The following SLC26A7 variants were observed in gnomAD, a reference collection of about 807,000 sequenced individuals.
SLC26A7 encodes anion exchange transporter.
In SLC26A7, 59 loss-of-function variants were observed where a neutral mutation model predicts 82.5. The observed-to-expected ratio is 0.72, with a 90% CI of 0.58 to 0.89. SLC26A7 has a LOEUF of 0.89. SLC26A7 is among the 40% of genes least tolerant of loss of function. The pLI, the probability that SLC26A7 is intolerant of heterozygous loss-of-function variation, is 0.00. For missense variants in SLC26A7, 820 were observed against 793.0 expected (o/e 1.03, Z -0.41); for synonymous variants, 271 against 274.3 (o/e 0.99, Z 0.12).
chr8:91,218,750 A>G (rs1810104648), intron 1 of SLC26A7: 1 of 549,140 alleles, frequency 1.8e-6, no homozygotes, highest in African/African-American at 1.9e-5. Context: ...ATGTGTGAGA[A>G]AAGAGCAAAT....
chr8:91,265,866 A>G (rs915250904), intron 2 of SLC26A7, among the ~76,000 whole-genome samples: 4 of 151,824 alleles, frequency 2.6e-5, no homozygotes, highest in Non-Finnish European at 5.9e-5. Context: ...ATACTTTGCA[A>G]ATTCTCCCAT....
intron 1 of SLC26A7, among the ~76,000 whole-genome samples, chr8:91,211,359 A>T (rs1809913764): frequency 6.6e-6 from 1 of 151,802 alleles, no homozygotes; most frequent in African/African-American, 2.4e-5. Context: ...AATAAATTTA[A>T]GGATGCTTAA....
chr8:91,234,827 A>ACCTCCTTC (rs1386380375), intron 2 of SLC26A7, among the ~76,000 whole-genome samples: 21 of 92,494 alleles, frequency 2.3e-4, no homozygotes, highest in Admixed American at 7.9e-4. Context: ...CTACCTACCT[A>ACCTCCTTC]CTTCCTTCCT....
chr8:91,394,479 C>T, intron 18 of SLC26A7: 2 of 1,358,414 alleles, frequency 1.5e-6, no homozygotes, highest in Non-Finnish European at 1.9e-6. Context: ...ATCTAGTGCT[C>T]ACATGATCTG....
At chr8:91,213,171 A>G (rs899161012) in intron 1 of SLC26A7, among the ~76,000 whole-genome samples, 1 of 152,272 alleles carries the variant, frequency 6.6e-6, no homozygotes, top group East Asian at 1.9e-4. Flanking sequence ...GAGCAGGACC[A>G]CTGTGTGGGG....
At chr8:91,267,327 G>T (rs923722691) in intron 2 of SLC26A7, among the ~76,000 whole-genome samples, 1 of 151,892 alleles carries the variant, frequency 6.6e-6, no homozygotes, top group Non-Finnish European at 1.5e-5. Flanking sequence ...ACTTTGAGAA[G>T]AATTGACATT....
At chr8:91,257,190 G>T (rs1038213993) in intron 2 of SLC26A7, among the ~76,000 whole-genome samples, 1 of 152,244 alleles carries the variant, frequency 6.6e-6, no homozygotes, top group South Asian at 2.1e-4. Flanking sequence ...ACATAGAGTA[G>T]CTTAGGAGAG....
At chr8:91,345,779 G>A (rs997342122) in intron 9 of SLC26A7, among the ~76,000 whole-genome samples, 2 of 152,130 alleles carry the variant, frequency 1.3e-5, no homozygotes, top group African/African-American at 4.8e-5. Flanking sequence ...CATAACTGGG[G>A]TTTCCTTAGG....
At chr8:91,388,133 A>AT (rs1814847801) in intron 15 of SLC26A7, among the ~76,000 whole-genome samples, 2 of 151,894 alleles carry the variant, frequency 1.3e-5, no homozygotes, top group Admixed American at 6.6e-5. Context: ...TGTAAGCAGG[A>AT]TTTTTGTTTT....
chr8:91,296,066 A>G (rs1244190995), intron 4 of SLC26A7, among the ~76,000 whole-genome samples: 2 of 152,190 alleles, frequency 1.3e-5, no homozygotes, highest in Admixed American at 1.3e-4. Context: ...AACTCCTGCA[A>G]TAGGAAGGAG....
intron 1 of SLC26A7, among the ~76,000 whole-genome samples, chr8:91,210,562 GACACACACACACACAC>G (rs35968986): frequency 1.4e-5 from 2 of 146,102 alleles, no homozygotes; most frequent in African/African-American, 5.0e-5. Context: ...CACACACACA[GACACACACACACACAC>G]ACACACACAC....
At chr8:91,228,275 A>G (rs1810263927) in intron 2 of SLC26A7, among the ~76,000 whole-genome samples, 1 of 152,250 alleles carries the variant, frequency 6.6e-6, no homozygotes, top group Non-Finnish European at 1.5e-5. Context: ...ACGGTAGTAA[A>G]CATAGGTGTT....
intron 2 of SLC26A7, among the ~76,000 whole-genome samples, chr8:91,228,387 A>T (rs1486133392): frequency 2.0e-5 from 3 of 152,226 alleles, no homozygotes. Flanking sequence ...CAGGCCATCC[A>T]CGGGCAGCTG....
At chr8:91,389,464 CTG>C in intron 16 of SLC26A7, 26 bp downstream of exon 16, 2 of 1,534,042 alleles carry the variant, frequency 1.3e-6, no homozygotes. Context: ...GTGTTTAGAA[CTG>C]TTTCTTCCCT....
chr8:91,372,384 T>G (rs2130883318), intron 15 of SLC26A7, among the ~76,000 whole-genome samples: 1 of 152,216 alleles, frequency 6.6e-6, no homozygotes, highest in African/African-American at 2.4e-5. Context: ...TTTAAGTCGT[T>G]AATCCATCTT....
Position 91,396,755 on chromosome 8 carries a change from G to C in SLC26A7, c.*1658G>C, listed in dbSNP as rs941804970. 3.1e-4 allele frequency: 47 copies of C among 152,138 alleles called. No homozygotes were observed. Among genetic ancestry groups the C allele is most frequent in the African/African-American group, 1.1e-3 (47 of 41,532 alleles). The allele number at this position is 152,138 out of a possible 1,614,324, so 9.4% of individuals were successfully genotyped here. ...CAAGGAAAAGCAGAAGTAATAATTGGAGGTAAAGTTTCCTTAGAGAAAATA... is the reference window on the plus strand; with the variant it reads ...CAAGGAAAAGCAGAAGTAATAATTGCAGGTAAAGTTTCCTTAGAGAAAATA... On this transcript the variant is annotated 3_prime_UTR_variant, in exon 19 of 19. Coordinates refer to ENST00000276609, the MANE Select transcript of SLC26A7 (RefSeq NM_052832.4).
At chr8:91,247,770 ATGAT>A (rs532628930), upstream of SLC26A7, among the ~76,000 whole-genome samples, 343 of 152,308 alleles carry the variant, frequency 2.3e-3, no homozygotes, top group African/African-American at 8.0e-3. Flanking sequence ...AAATTTAAAA[ATGAT>A]TGAAATTACA....
chr8:91,350,903 T>C (rs1020367574), intron 9 of SLC26A7, among the ~76,000 whole-genome samples: 1 of 152,180 alleles, frequency 6.6e-6, no homozygotes, highest in Non-Finnish European at 1.5e-5. Flanking sequence ...CTGTACCATA[T>C]TGTATTCCCA....
intron 5 of SLC26A7, among the ~76,000 whole-genome samples, chr8:91,325,476 T>C (rs572955010): frequency 1.3e-5 from 2 of 152,278 alleles, no homozygotes; most frequent in South Asian, 2.1e-4. Context: ...TCACCAAATA[T>C]GCTTATGTTA....
Sources: allele counts gnomAD v4.1 joint callset (sites outside exome capture counted in the v4.1 genomes callset), GRCh38; gene constraint gnomAD v4.1.1; transcripts MANE v1.5; gene names NCBI Gene and HGNC (gene_info 2026-07-23, HGNC 2026-07-21).